The following PCDHGA7 variants were observed in gnomAD, a reference collection of about 807,000 sequenced individuals.
PCDHGA7 encodes the protein protocadherin gamma subfamily A, 7.
Under a neutral mutation model 58.3 loss-of-function variants are expected in PCDHGA7, and 44 were observed. The ratio of observed to expected loss-of-function variants is 0.75; its 90% confidence interval spans 0.59 to 0.97. The LOEUF is 0.97. Among genes scored for constraint, PCDHGA7 ranks in the 50% least tolerant of loss-of-function variants. The pLI, the probability that PCDHGA7 is intolerant of heterozygous loss-of-function variation, is 0.00. For synonymous variants in PCDHGA7, 516 were observed against 504.2 expected, an observed-to-expected ratio of 1.02 and a Z score of -0.31; for missense variants, 1,266 against 1,188.7, an observed-to-expected ratio of 1.06 and a Z score of -0.96.
Position 141,487,418 on chromosome 5 carries a change from A to T in PCDHGA7, c.2425-7389A>T. ...GGAGGGGCTTCCCCCTTCCAATGGG[A>T]TCCTCCGAATCCAGCTAGGGTCAGA... On this transcript the variant is annotated intron_variant, in intron 1 of 3. Transcript: ENST00000518325. The surrounding 1 kb of genome is among the most constrained non-coding windows in gnomAD (Gnocchi z 5.0). The T allele has an allele frequency of 6.2e-7, 1 of 1,614,060 alleles. No homozygotes were observed. The highest frequency in any genetic ancestry group is 8.5e-7 in the Non-Finnish European group (1 of 1,179,998).
At chr5:141,412,060 C>G (rs1191231135) in intron 1 of PCDHGA7, 2 of 152,154 alleles carry the variant, frequency 1.3e-5, no homozygotes, top group African/African-American at 2.4e-5. Context: ...ATACCCTTTG[C>G]ATTTGAGGGA....
intron 1 of PCDHGA7, among the ~76,000 whole-genome samples, chr5:141,438,948 G>A (rs2154558298): frequency 6.6e-6 from 1 of 152,142 alleles, no homozygotes; most frequent in Middle Eastern, 3.4e-3. Context: ...TTATAGGCAT[G>A]AGCCACCGCA....
Position 141,486,239 on chromosome 5 carries a change from C to G in PCDHGA7, c.2425-8568C>G, listed in dbSNP as rs751510109. On this transcript the variant is annotated intron_variant, in intron 1 of 3. Transcript: ENST00000518325. The surrounding 1 kb of genome is among the most constrained non-coding windows in gnomAD (Gnocchi z 5.0). ...CCCTTACATCACAGTGACCTCAGAG[C>G]TTGGAACCCTCCCCGAGAGTGCAGA... 6.2e-7 allele frequency: 1 copy of G among 1,614,160 alleles called. No individual in the cohort carries two copies. Among genetic ancestry groups the G allele is most frequent in the Admixed American group, 1.7e-5 (1 of 60,020 alleles).
chr5:141,405,583 T>C (rs868246551), intron 1 of PCDHGA7: 1 of 588,746 alleles, frequency 1.7e-6, no homozygotes. Flanking sequence ...TAGCTGGGAC[T>C]ACAGGCCTCC....
chr5:141,393,452 G>T lies in PCDHGA7; in HGVS notation c.2424+8129G>T, dbSNP rs189963623. 9.0e-3 allele frequency: 14,601 copies of T among 1,614,028 alleles called. 101 individuals are homozygous for T. The highest frequency in any genetic ancestry group is 0.01 in the Non-Finnish European group (11,851 of 1,179,906). ...AGGCTGCTCACCACCTGGTCCTCACGGCCTCGGATGGCGGCAAGCCGCCTC... is the reference window on the plus strand; with the variant it reads ...AGGCTGCTCACCACCTGGTCCTCACTGCCTCGGATGGCGGCAAGCCGCCTC... On this transcript the variant is annotated intron_variant, in intron 1 of 3. Coordinates refer to ENST00000518325, the MANE Select transcript of PCDHGA7 (RefSeq NM_018920.4).
chr5:141,478,499 G>A (rs77463374), intron 1 of PCDHGA7: 18 of 1,612,728 alleles, frequency 1.1e-5, no homozygotes, highest in African/African-American at 2.7e-5. Context: ...CTGTGATCCG[G>A]TGTTCTATAG....
intron 1 of PCDHGA7, among the ~76,000 whole-genome samples, chr5:141,468,979 C>T (rs1394344696): frequency 6.7e-6 from 1 of 149,482 alleles, no homozygotes; most frequent in African/African-American, 2.5e-5. Flanking sequence ...CTTTTGACTT[C>T]CAAAATTATT....
chr5:141,440,464 G>A (rs2003094), intron 1 of PCDHGA7: 3,293 of 152,144 alleles, frequency 0.022, 52 homozygotes, highest in South Asian at 0.038. Context: ...ATGAACAAAC[G>A]GTAGTTGAAA....
At position 141,432,319 on chromosome 5, in the gene PCDHGA7, C is replaced by A; in HGVS notation, c.2424+46996C>A. The A allele has an allele frequency of 6.2e-7, 1 of 1,614,264 alleles. No individual in the cohort carries two copies. Among genetic ancestry groups the A allele is most frequent in the South Asian group, 1.1e-5 (1 of 91,088 alleles). ...GGGTACTGTATGCGCTGAGCTCCTTCGACTACGAGCAGTTCCGAGACTTGC... is the reference window on the plus strand; with the variant it reads ...GGGTACTGTATGCGCTGAGCTCCTTAGACTACGAGCAGTTCCGAGACTTGC... On this transcript the variant is annotated intron_variant, in intron 1 of 3. Transcript: ENST00000518325. The surrounding 1 kb of genome is among the most constrained non-coding windows in gnomAD (Gnocchi z 6.0).
chr5:141,422,605 G>A (rs2096658595), intron 1 of PCDHGA7: 1 of 1,613,898 alleles, frequency 6.2e-7, no homozygotes, highest in Non-Finnish European at 8.5e-7. Flanking sequence ...CTCTTACTCT[G>A]CCTACATTCC....
intron 1 of PCDHGA7, chr5:141,468,351 A>G (rs1030472813): frequency 6.7e-6 from 1 of 149,192 alleles, no homozygotes; most frequent in Non-Finnish European, 1.5e-5. Context: ...AAAAAAAAAG[A>G]AAGAAAAAAG....
intron 1 of PCDHGA7, chr5:141,412,700 G>C (rs537095191): frequency 6.6e-6 from 1 of 152,574 alleles, no homozygotes; most frequent in South Asian, 2.1e-4. Flanking sequence ...TTTTATTAAA[G>C]TGTGTACATT....
rs2091498902 is a variant in PCDHGA7 at position 141,388,801 on chromosome 5, A to G, written c.2424+3478A>G. The G allele has an allele frequency of 1.9e-6, 3 of 1,613,940 alleles. No homozygotes were observed. The East Asian group carries it at 6.7e-5, about 36-fold the overall frequency. On this transcript the variant is annotated intron_variant, in intron 1 of 3. Coordinates refer to ENST00000518325, the MANE Select transcript of PCDHGA7 (RefSeq NM_018920.4). Reference sequence around the variant, plus strand: ...GAAATTACTGTTTTAAATACATTAGATTTTGAAGAAGTCAAAGAATATTCC... The same window carrying G: ...GAAATTACTGTTTTAAATACATTAGGTTTTGAAGAAGTCAAAGAATATTCC...
intron 1 of PCDHGA7, chr5:141,478,581 T>C: frequency 6.3e-7 from 1 of 1,580,158 alleles, no homozygotes; most frequent in Non-Finnish European, 8.6e-7. Flanking sequence ...ACCCTGTTAG[T>C]GCTTTTTTAT....
intron 1 of PCDHGA7, chr5:141,433,292 C>A: frequency 9.2e-7 from 1 of 1,082,526 alleles, no homozygotes; most frequent in South Asian, 1.6e-5. Context: ...CTCCTAGGCT[C>A]AAGCAATTAT....
At chr5:141,415,024 G>T in intron 1 of PCDHGA7, 1 of 1,613,568 alleles carries the variant, frequency 6.2e-7, no homozygotes, top group Non-Finnish European at 8.5e-7. Flanking sequence ...CAAGGCCAGC[G>T]AGCCGGGACT....
rs757019379 is a variant in PCDHGA7 at position 141,390,006 on chromosome 5, G to T, written c.2424+4683G>T. 4.5e-5 allele frequency: 73 copies of T among 1,613,888 alleles called. No individual in the cohort carries two copies. Among genetic ancestry groups the T allele is most frequent in the Admixed American group, 1.7e-5 (1 of 60,004 alleles). ...GCTCTTCCTCGTGGCCATGATTCTG[G>T]CCATTGCCTTGCGCCTGCGACGCTC... On this transcript the variant is annotated intron_variant, in intron 1 of 3. Transcript: ENST00000518325.
At chr5:141,389,910 C>A in intron 1 of PCDHGA7, 3 of 1,614,080 alleles carry the variant, frequency 1.9e-6, no homozygotes, top group Non-Finnish European at 2.5e-6. Flanking sequence ...TATCACTGAC[C>A]GCCCCGACCC....
chr5:141,404,682 T>G lies in PCDHGA7; in HGVS notation c.2424+19359T>G, dbSNP rs766278950. 2.5e-6 allele frequency: 4 copies of G among 1,613,914 alleles called. No individual in the cohort carries two copies. Among genetic ancestry groups the G allele is most frequent in the Non-Finnish European group, 2.5e-6 (3 of 1,179,906 alleles). On this transcript the variant is annotated intron_variant, in intron 1 of 3. Coordinates refer to ENST00000518325, the MANE Select transcript of PCDHGA7 (RefSeq NM_018920.4). ...ACTGATGGTTCTACTGGTGTGGAGC[T>G]GGCACCCCGCTCTGCAGAGCCTGGC...
Sources: allele counts gnomAD v4.1 joint callset (sites outside exome capture counted in the v4.1 genomes callset), GRCh38; gene constraint gnomAD v4.1.1; non-coding constraint Gnocchi (gnomAD v3.1); transcripts MANE v1.5; gene names NCBI Gene and HGNC (gene_info 2026-07-23, HGNC 2026-07-21).